Variants in DLG2 observed in about 807,000 individuals in gnomAD.
DLG2 encodes discs large MAGUK scaffold protein 2.
Under a neutral mutation model 132.5 loss-of-function variants are expected in DLG2, and 45 were observed. The ratio of observed to expected loss-of-function variants is 0.34; its 90% confidence interval spans 0.27 to 0.44. The LOEUF (loss-of-function observed/expected upper bound fraction) is 0.44, where lower values mean the gene tolerates loss of function less well. Among genes scored for constraint, DLG2 ranks in the 20% least tolerant of loss-of-function variants. DLG2 has a pLI of 1.00. For missense variants in DLG2, 1,045 were observed against 1,196.9 expected (o/e 0.87, Z 1.87); for synonymous variants, 424 against 419.6 (o/e 1.01, Z -0.13).
intron 6 of DLG2, among the ~76,000 whole-genome samples, chr11:85,010,055 A>C (rs1467291964): frequency 1.3e-5 from 2 of 152,256 alleles, no homozygotes; most frequent in East Asian, 3.9e-4. Flanking sequence ...CAATAAGTAC[A>C]AGCTGGGGTA....
intron 2 of DLG2, among the ~76,000 whole-genome samples, chr11:85,621,157 C>T (rs1565774636): frequency 6.6e-6 from 1 of 151,608 alleles, no homozygotes; most frequent in Admixed American, 6.6e-5. Flanking sequence ...GGTGACAGCA[C>T]ATCCGTTTAC....
At chr11:83,673,048 A>C (rs1164231863) in intron 18 of DLG2, among the ~76,000 whole-genome samples, 1 of 152,226 alleles carries the variant, frequency 6.6e-6, no homozygotes, top group East Asian at 1.9e-4. Context: ...CCTGGACGAC[A>C]TAGCAAGGCT....
chr11:84,670,476 T>C (rs2099704551), intron 6 of DLG2, among the ~76,000 whole-genome samples: 1 of 152,138 alleles, frequency 6.6e-6, no homozygotes, highest in Non-Finnish European at 1.5e-5. Flanking sequence ...GCGCTTATGA[T>C]GGGATGCTAG....
intron 6 of DLG2, among the ~76,000 whole-genome samples, chr11:84,553,988 G>A (rs1044705010): frequency 1.3e-5 from 2 of 152,136 alleles, no homozygotes; most frequent in Non-Finnish European, 2.9e-5. Context: ...TAGAGACTTG[G>A]CCAGGCTGAT....
intron 15 of DLG2, among the ~76,000 whole-genome samples, chr11:83,929,621 G>T (rs961508970): frequency 6.6e-6 from 1 of 152,064 alleles, no homozygotes; most frequent in African/African-American, 2.4e-5. Flanking sequence ...ACATTCTAAG[G>T]TCAAATTTGG....
chr11:85,129,456 A>G (rs2075475027), intron 5 of DLG2, among the ~76,000 whole-genome samples: 1 of 152,178 alleles, frequency 6.6e-6, no homozygotes. Flanking sequence ...TTATATGTAG[A>G]AACAAAATAA....
intron 21 of DLG2, among the ~76,000 whole-genome samples, chr11:83,510,829 C>T (rs934701199): frequency 2.7e-5 from 2 of 72,802 alleles, no homozygotes; most frequent in Non-Finnish European, 5.7e-5. Context: ...CTGAACCATC[C>T]GTTTTTTTTT....
intron 6 of DLG2, among the ~76,000 whole-genome samples, chr11:84,832,943 G>T (rs761649284): frequency 4.0e-4 from 60 of 151,568 alleles, no homozygotes; most frequent in Middle Eastern, 3.4e-3. Flanking sequence ...CTGTGCCAGG[G>T]TATATCACCT....
In DLG2 at chr11:83,802,928, AT is replaced by A. The variant is rs138610248; in HGVS notation, c.1723-16137del. Among the ~76,000 whole-genome samples the A allele has an allele frequency of 8.4e-3, 1,282 of 152,218 alleles. 25 individuals carry two copies. The highest frequency in any genetic ancestry group is 0.029 in the African/African-American group (1,220 of 41,542). ...TGCTGAAGAGGAGAGAATGGGTTACATTTCATTTTATAGCCCTTAACAGTAT... is the reference window on the plus strand; with the variant it reads ...TGCTGAAGAGGAGAGAATGGGTTACATTCATTTTATAGCCCTTAACAGTAT... On this transcript the variant is annotated intron_variant, in intron 17 of 27. Transcript: ENST00000376104.
chr11:84,404,635 G>C (rs976751029), intron 7 of DLG2, among the ~76,000 whole-genome samples: 9 of 152,000 alleles, frequency 5.9e-5, no homozygotes, highest in Admixed American at 5.9e-4. Context: ...ATGATTGAAA[G>C]TTTTGTGTTT....
chr11:84,961,299 G>A (rs1021967461), intron 6 of DLG2, among the ~76,000 whole-genome samples: 1 of 151,844 alleles, frequency 6.6e-6, no homozygotes, highest in African/African-American at 2.4e-5. Context: ...GCTCATGCCT[G>A]ACCTACCCCA....
At chr11:84,042,411 T>G (rs1029762574) in intron 11 of DLG2, among the ~76,000 whole-genome samples, 4 of 151,866 alleles carry the variant, frequency 2.6e-5, no homozygotes, top group Non-Finnish European at 5.9e-5. Context: ...GCTCATTAAT[T>G]TTTCATTTAA....
chr11:83,695,746 G>T (rs2081802677), intron 18 of DLG2, among the ~76,000 whole-genome samples: 1 of 151,810 alleles, frequency 6.6e-6, no homozygotes, highest in African/African-American at 2.4e-5. Context: ...CTCAAAAAAA[G>T]AAAATCCTCA....
chr11:85,068,893 T>C (rs1183465769), intron 6 of DLG2, among the ~76,000 whole-genome samples: 1 of 152,158 alleles, frequency 6.6e-6, no homozygotes, highest in Non-Finnish European at 1.5e-5. Context: ...TCTACCTGAC[T>C]TCAAACTATA....
intron 18 of DLG2, among the ~76,000 whole-genome samples, chr11:83,659,941 T>G (rs2153542343): frequency 6.6e-6 from 1 of 152,362 alleles, no homozygotes; most frequent in South Asian, 2.1e-4. Flanking sequence ...CTCAATGCTA[T>G]TATTTGCTGA....
intron 25 of DLG2, among the ~76,000 whole-genome samples, chr11:83,467,616 G>C (rs998114768): frequency 2.6e-5 from 4 of 151,520 alleles, no homozygotes; most frequent in African/African-American, 4.8e-5. Context: ...CAGGCATGGT[G>C]GTGGGCACCT....
At position 83,729,075 on chromosome 11, in the gene DLG2, T is replaced by C. The variant is rs183681929; in HGVS notation, c.1825+57615A>G. ...TATCTTAATAAATTATTTTAGACAA[T>C]GCTAGGTAAGAAAAAGTCCCACCCA... On this transcript the variant is annotated intron_variant, in intron 18 of 27. Transcript: ENST00000376104. Among the ~76,000 whole-genome samples, 165 of 152,282 alleles carry C rather than the reference T, an allele frequency of 1.1e-3. 1 individual carries two copies. The highest frequency in any genetic ancestry group is 2.2e-4 in the Non-Finnish European group (15 of 68,024).
intron 3 of DLG2, among the ~76,000 whole-genome samples, chr11:85,508,191 T>C (rs1206076705): frequency 2.0e-5 from 3 of 152,152 alleles, no homozygotes; most frequent in Non-Finnish European, 2.9e-5. Flanking sequence ...TTACCAATCA[T>C]GTGAAGCTTA....
intron 18 of DLG2, among the ~76,000 whole-genome samples, chr11:83,667,186 A>G (rs997164734): frequency 1.3e-5 from 2 of 152,214 alleles, no homozygotes; most frequent in Non-Finnish European, 1.5e-5. Flanking sequence ...TCTGTCTACA[A>G]TGAAGTTTAG....
Sources: allele counts gnomAD v4.1 joint callset (sites outside exome capture counted in the v4.1 genomes callset), GRCh38; gene constraint gnomAD v4.1.1; transcripts MANE v1.5; gene names NCBI Gene and HGNC (gene_info 2026-07-23, HGNC 2026-07-21).